The following TLL1 variants were observed in gnomAD, a reference collection of about 807,000 sequenced individuals.
TLL1 encodes tolloid like 1.
Under a neutral mutation model 128.2 loss-of-function variants are expected in TLL1, and 49 were observed. That is an observed-to-expected ratio of 0.38 (90% CI 0.30 to 0.48). The LOEUF (loss-of-function observed/expected upper bound fraction) is 0.48, where lower values mean the gene tolerates loss of function less well. Ranked by LOEUF, TLL1 falls within the 20% of genes least tolerant of loss-of-function variation. The pLI is 0.96. For missense variants in TLL1, 1,123 were observed against 1,242.0 expected, an observed-to-expected ratio of 0.90 and a Z score of 1.44; for synonymous variants, 454 against 418.8, an observed-to-expected ratio of 1.08 and a Z score of -1.03.
chr4:165,899,527 C>A (rs558984027), intron 1 of TLL1, among the ~76,000 whole-genome samples: 1 of 152,080 alleles, frequency 6.6e-6, no homozygotes, highest in African/African-American at 2.4e-5. Flanking sequence ...TGTATTTGTG[C>A]GGTTTTGAGT....
chr4:165,997,529 G>A (rs560219753), intron 5 of TLL1, among the ~76,000 whole-genome samples: 31 of 152,170 alleles, frequency 2.0e-4, no homozygotes, highest in African/African-American at 6.7e-4. Flanking sequence ...TAACTCTTGC[G>A]ATTTTTTAAA....
intron 1 of TLL1, among the ~76,000 whole-genome samples, chr4:165,933,136 G>C (rs1733605483): frequency 6.6e-6 from 1 of 152,170 alleles, no homozygotes; most frequent in Admixed American, 6.5e-5. Flanking sequence ...TGGTGGTGTT[G>C]ATTGCAGTAA....
chr4:165,905,985 T>A (rs1168370737), intron 1 of TLL1, among the ~76,000 whole-genome samples: 1 of 152,100 alleles, frequency 6.6e-6, no homozygotes, highest in Non-Finnish European at 1.5e-5. Flanking sequence ...CATAGTTCAT[T>A]TCTAGGATAG....
chr4:165,973,625 T>C (rs1448545629), intron 1 of TLL1, among the ~76,000 whole-genome samples: 1 of 151,878 alleles, frequency 6.6e-6, no homozygotes, highest in African/African-American at 2.4e-5. Context: ...GGAGAAAATA[T>C]TGCAGCACTA....
chr4:166,020,261 G>A (rs1235134271), intron 8 of TLL1, among the ~76,000 whole-genome samples: 3 of 152,094 alleles, frequency 2.0e-5, no homozygotes, highest in African/African-American at 4.8e-5. Context: ...AGCCTTTCAC[G>A]CATAAGGCAT....
In TLL1 at chr4:166,025,317, A is replaced by C. The variant is rs1413848997; in HGVS notation, c.1044A>C (p.Ala348=). The change falls in exon 9 of 21, where the codon GCA becomes GCC. Residue 348 remains alanine (A), a splice_region_variant and synonymous_variant. Transcript: ENST00000061240. ...AQARKLYRCP[A]CGETLQESNG... is the part of the protein sequence containing the mutation. ...TCTTATATATTTTTTTCCTTTCAGCATGTGGAGAAACTCTACAAGAATCCA... is the reference window on the plus strand; with the variant it reads ...TCTTATATATTTTTTTCCTTTCAGCCTGTGGAGAAACTCTACAAGAATCCA... 1 of 1,604,676 alleles carries C rather than the reference A, an allele frequency of 6.2e-7. No individual in the cohort carries two copies. The highest frequency in any genetic ancestry group is 8.5e-7 in the Non-Finnish European group (1 of 1,171,630).
At chr4:165,943,106 A>G (rs1734092491) in intron 1 of TLL1, among the ~76,000 whole-genome samples, 1 of 152,052 alleles carries the variant, frequency 6.6e-6, no homozygotes, top group Admixed American at 6.6e-5. Flanking sequence ...TGCAAGATTA[A>G]CTCCATTATT....
At chr4:166,001,925 A>G (rs911120781) in intron 5 of TLL1, among the ~76,000 whole-genome samples, 4 of 152,284 alleles carry the variant, frequency 2.6e-5, no homozygotes, top group Middle Eastern at 3.4e-3. Flanking sequence ...CAGATGATGA[A>G]ATAAAAAATC....
chr4:165,907,691 G>T (rs766008603), intron 1 of TLL1, among the ~76,000 whole-genome samples: 4 of 151,964 alleles, frequency 2.6e-5, no homozygotes, highest in African/African-American at 4.8e-5. Flanking sequence ...TGGGATTACA[G>T]GCACGCAACA....
chr4:166,076,667 C>T (rs1211830845), intron 17 of TLL1, among the ~76,000 whole-genome samples: 1 of 152,144 alleles, frequency 6.6e-6, no homozygotes, highest in African/African-American at 2.4e-5. Flanking sequence ...TCGCCACATC[C>T]TGCAGAGTTC....
chr4:165,915,454 T>C (rs1732736627), intron 1 of TLL1, among the ~76,000 whole-genome samples: 1 of 152,206 alleles, frequency 6.6e-6, no homozygotes, highest in Non-Finnish European at 1.5e-5. Flanking sequence ...AGCTTTCTTT[T>C]CTAGGTACTT....
chr4:165,886,535 C>T (rs140453833), intron 1 of TLL1, among the ~76,000 whole-genome samples: 33 of 152,212 alleles, frequency 2.2e-4, no homozygotes, highest in African/African-American at 7.7e-4. Flanking sequence ...AAACAAAGTA[C>T]AGTCTCCCTT....
chr4:165,996,711 G>A (rs992145065), intron 5 of TLL1, among the ~76,000 whole-genome samples: 18 of 152,040 alleles, frequency 1.2e-4, no homozygotes, highest in African/African-American at 4.1e-4. Flanking sequence ...AGAAGATTGT[G>A]AGACTTTCAG....
rs115774336 is a variant in TLL1, at chr4:165,961,206, C to T, written c.170-28175C>T. Reference sequence around the variant, plus strand: ...CAAGCTGAGAACTAAGTCAAGAACACGGTCCCATTTACATTAGCCACAGAA... The same window carrying T: ...CAAGCTGAGAACTAAGTCAAGAACATGGTCCCATTTACATTAGCCACAGAA... On this transcript the variant is annotated intron_variant, in intron 1 of 20. Coordinates refer to ENST00000061240, the MANE Select transcript of TLL1 (RefSeq NM_012464.5). 4.0e-3 allele frequency among the ~76,000 whole-genome samples: 609 copies of T among 152,164 alleles called. 4 individuals are homozygous for T. Among genetic ancestry groups the T allele is most frequent in the African/African-American group, 0.013 (550 of 41,534 alleles).
intron 1 of TLL1, among the ~76,000 whole-genome samples, chr4:165,918,443 T>A (rs1279128666): frequency 6.6e-6 from 1 of 152,144 alleles, no homozygotes; most frequent in Non-Finnish European, 1.5e-5. Flanking sequence ...AATACTAATA[T>A]TTAGGTTGTA....
At chr4:165,918,907 G>A (rs1732904902) in intron 1 of TLL1, among the ~76,000 whole-genome samples, 1 of 152,146 alleles carries the variant, frequency 6.6e-6, no homozygotes, top group Admixed American at 6.5e-5. Flanking sequence ...AACTGGACTA[G>A]TCAAACTGCT....
At chr4:165,984,416 C>T (rs1339802139) in intron 1 of TLL1, among the ~76,000 whole-genome samples, 1 of 151,826 alleles carries the variant, frequency 6.6e-6, no homozygotes, top group Admixed American at 6.6e-5. Flanking sequence ...TCTTACTTTT[C>T]CTTGGGAATT....
At chr4:165,918,487 G>T (rs1048146906) in intron 1 of TLL1, among the ~76,000 whole-genome samples, 1 of 151,942 alleles carries the variant, frequency 6.6e-6, no homozygotes, top group African/African-American at 2.4e-5. Flanking sequence ...CTCTGTGAGG[G>T]GTCCTGAATA....
chr4:165,895,135 A>G (rs759151778), intron 1 of TLL1, among the ~76,000 whole-genome samples: 15 of 152,122 alleles, frequency 9.9e-5, no homozygotes, highest in Non-Finnish European at 2.1e-4. Context: ...TGTCAATGCA[A>G]TAAGTCAAGT....
Sources: allele counts gnomAD v4.1 joint callset (sites outside exome capture counted in the v4.1 genomes callset), GRCh38; gene constraint gnomAD v4.1.1; transcripts MANE v1.5; gene names NCBI Gene and HGNC (gene_info 2026-07-23, HGNC 2026-07-21).